PCDHGA8: variants seen among roughly 807,000 people sequenced by gnomAD.
PCDHGA8 encodes the protein protocadherin gamma subfamily A, 8, also known as protocadherin gamma-A8.
In PCDHGA8, 45 loss-of-function variants were observed where a neutral mutation model predicts 59.2. The observed-to-expected ratio is 0.76, with a 90% CI of 0.60 to 0.98. PCDHGA8 has a LOEUF of 0.98. PCDHGA8 is among the 50% of genes least tolerant of loss of function. The pLI, the probability that PCDHGA8 is intolerant of heterozygous loss-of-function variation, is 0.00. For missense variants in PCDHGA8, 1,257 were observed against 1,196.2 expected, an observed-to-expected ratio of 1.05 and a Z score of -0.75; for synonymous variants, 531 against 519.0, an observed-to-expected ratio of 1.02 and a Z score of -0.32.
intron 1 of PCDHGA8, among the ~76,000 whole-genome samples, chr5:141,470,151 CT>C (rs746135943): frequency 7.2e-5 from 11 of 152,164 alleles, no homozygotes; most frequent in Non-Finnish European, 1.6e-4. Flanking sequence ...CATAGATCAT[CT>C]TATCAAATCA....
intron 1 of PCDHGA8, chr5:141,413,345 G>A (rs2095628318): frequency 8.7e-6 from 14 of 1,613,996 alleles, no homozygotes; most frequent in Non-Finnish European, 1.0e-5. Flanking sequence ...AAGGACTTGG[G>A]TCTGGCGCCC....
chr5:141,399,570 C>T (rs1297172097), intron 1 of PCDHGA8: 1 of 1,614,044 alleles, frequency 6.2e-7, no homozygotes, highest in Non-Finnish European at 8.5e-7. Context: ...GGTTGAACGG[C>T]CAAGTCTCCT....
rs1354607645 is a variant in PCDHGA8, at chr5:141,433,848, A to C, written c.2424+38611A>C. Among the ~76,000 whole-genome samples, 4 of 152,082 alleles carry C rather than the reference A, an allele frequency of 2.6e-5. No individual in the cohort carries two copies. In the East Asian group the frequency reaches 5.8e-4, roughly 22 times the overall value. ...GTGAAACTCTATCTCAAAAAAAAAA[A>C]AAAAAAACTTTATCCTCTAGTTTCA... On this transcript the variant is annotated intron_variant, in intron 1 of 3. Coordinates refer to ENST00000398604, the MANE Select transcript of PCDHGA8 (RefSeq NM_032088.2).
intron 1 of PCDHGA8, chr5:141,409,130 G>C (rs1265386524): frequency 2.5e-6 from 4 of 1,613,994 alleles, no homozygotes; most frequent in Non-Finnish European, 3.4e-6. Flanking sequence ...ATTTGATTTT[G>C]AAGATGTAGA....
At position 141,492,010 on chromosome 5, in the gene PCDHGA8, G is replaced by A. The variant is rs2099736138; in HGVS notation, c.2425-2797G>A. 2 of 617,370 alleles carry A rather than the reference G, an allele frequency of 3.2e-6. 1 individual carries two copies. Among genetic ancestry groups the A allele is most frequent in the Middle Eastern group, 8.7e-4 (2 of 2,312 alleles). The allele number at this position is 617,370 out of a possible 1,614,324, so 38.2% of individuals were successfully genotyped here. On this transcript the variant is annotated intron_variant, in intron 1 of 3. Transcript: ENST00000398604. Reference sequence around the variant, plus strand: ...GGTGAATTTCGGGCGATTTCCGCGGGTGTCGGGGGTCCCGGGAGGAGGCAG... The same window carrying A: ...GGTGAATTTCGGGCGATTTCCGCGGATGTCGGGGGTCCCGGGAGGAGGCAG...
chr5:141,423,092 A>T (rs2096708373), intron 1 of PCDHGA8: 5 of 1,613,952 alleles, frequency 3.1e-6, no homozygotes, highest in South Asian at 2.2e-5. Flanking sequence ...GCGGTGGGGG[A>T]GCACACGGGC....
At chr5:141,399,134 A>G (rs2093758534) in intron 1 of PCDHGA8, 6 of 1,613,856 alleles carry the variant, frequency 3.7e-6, no homozygotes, top group Non-Finnish European at 5.1e-6. Flanking sequence ...ATTCAAGATG[A>G]AAATGACAAT....
Position 141,464,279 on chromosome 5 carries a change from CA to C in PCDHGA8, c.2425-30517del, listed in dbSNP as rs373828487. Among the ~76,000 whole-genome samples, 143 of 137,732 alleles carry C rather than the reference CA, an allele frequency of 1.0e-3. 2 individuals are homozygous for C. The Middle Eastern group carries it at 0.015, about 15-fold the overall frequency. 90.4% of individuals were successfully genotyped at this position (137,732 alleles called of 152,430 possible). A position where few individuals can be genotyped will look rare whatever the true frequency, so the allele number is the denominator to read the frequency against. The stretch of plus-strand genomic sequence containing the variant: ...GACTCCGTCTAAAAAAAAAAAAAAG[CA>C]AAAAAAAAAACTCCATTGTATGTGC... On this transcript the variant is annotated intron_variant, in intron 1 of 3. Transcript: ENST00000398604.
chr5:141,400,168 C>G, intron 1 of PCDHGA8: 1 of 1,614,088 alleles, frequency 6.2e-7, no homozygotes, highest in South Asian at 1.1e-5. Context: ...CTCTGACCCC[C>G]AGGCTGAGCT....
At chr5:141,409,052 A>C in intron 1 of PCDHGA8, 2 of 1,614,050 alleles carry the variant, frequency 1.2e-6, no homozygotes, top group African/African-American at 1.3e-5. Context: ...CTTCCGAAGC[A>C]CTGCCCAGAG....
In PCDHGA8 at chr5:141,476,073, A is replaced by C. The variant is rs765071344; in HGVS notation, c.2425-18734A>C. On this transcript the variant is annotated intron_variant, in intron 1 of 3. Coordinates refer to ENST00000398604, the MANE Select transcript of PCDHGA8 (RefSeq NM_032088.2). The surrounding 1 kb of genome is among the most constrained non-coding windows in gnomAD (Gnocchi z 7.6). ...GCTGAAAGTTTCTCAGCGAAATCTC[A>C]GGGACGATCTGGACCCCGCTGAGAG... 4 of 1,524,010 alleles carry C rather than the reference A, an allele frequency of 2.6e-6. No individual in the cohort carries two copies. Among genetic ancestry groups the C allele is most frequent in the Admixed American group, 4.2e-5 (2 of 47,746 alleles). The allele number at this position is 1,524,010 out of a possible 1,614,324, so 94.4% of individuals were successfully genotyped here. A position where few individuals can be genotyped will look rare whatever the true frequency, so the allele number is the denominator to read the frequency against.
rs1347087103 is a variant in PCDHGA8 at position 141,409,851 on chromosome 5, T to C, written c.2424+14614T>C. 4 of 1,612,112 alleles carry C rather than the reference T, an allele frequency of 2.5e-6. No homozygotes were observed. In the Admixed American group the frequency reaches 6.7e-5, roughly 27 times the overall value. On this transcript the variant is annotated intron_variant, in intron 1 of 3. Transcript: ENST00000398604. ...CTCAGCGCCAACGTGAGCCTGCGCG[T>C]GTTGGTGGGAGACCGCAATGACAAC...
intron 1 of PCDHGA8, among the ~76,000 whole-genome samples, chr5:141,442,888 GCTTATCA>G (rs776180931): frequency 8.5e-5 from 13 of 152,204 alleles, no homozygotes; most frequent in Non-Finnish European, 1.8e-4. Flanking sequence ...CAGAATCCCT[GCTTATCA>G]CTTCTCCTTC....
At position 141,423,758 on chromosome 5, in the gene PCDHGA8, G is replaced by GC. The variant is rs1554116873; in HGVS notation, c.2424+28521_2424+28522insC. 1.7e-4 allele frequency: 62 copies of GC among 366,836 alleles called. 2 individuals are homozygous for GC. The highest frequency in any genetic ancestry group is 4.2e-4 in the Middle Eastern group (1 of 2,358). The allele number at this position is 366,836 out of a possible 1,614,324, so 22.7% of individuals were successfully genotyped here. Reference sequence around the variant, plus strand: ...CTGTTATGAAAACTGTTTGGGGGGGGGGTGGGGCGGCATATATTTAGTTCA... The same window carrying GC: ...CTGTTATGAAAACTGTTTGGGGGGGGCGGTGGGGCGGCATATATTTAGTTCA... On this transcript the variant is annotated intron_variant, in intron 1 of 3. Coordinates refer to ENST00000398604, the MANE Select transcript of PCDHGA8 (RefSeq NM_032088.2).
rs2099388737 is a variant in PCDHGA8 at position 141,476,307 on chromosome 5, G to T, written c.2425-18500G>T. 1 of 1,613,606 alleles carries T rather than the reference G, an allele frequency of 6.2e-7. No individual in the cohort carries two copies. The highest frequency in any genetic ancestry group is 1.3e-5 in the African/African-American group (1 of 74,728). ...TTGGATCTCGGTAGCCTCTCAGCCC[G>T]CAGGTTCCGGGTGGTGTCTGGAGCT... On this transcript the variant is annotated intron_variant, in intron 1 of 3. Coordinates refer to ENST00000398604, the MANE Select transcript of PCDHGA8 (RefSeq NM_032088.2). The surrounding 1 kb of genome is among the most constrained non-coding windows in gnomAD (Gnocchi z 7.6).
At chr5:141,402,096 A>G (rs1343417374) in intron 1 of PCDHGA8, among the ~76,000 whole-genome samples, 2 of 152,226 alleles carry the variant, frequency 1.3e-5, no homozygotes, top group Non-Finnish European at 2.9e-5. Context: ...GAAAAGTTTA[A>G]GCAATTACAA....
intron 1 of PCDHGA8, chr5:141,423,195 G>A: frequency 1.2e-6 from 2 of 1,613,544 alleles, no homozygotes; most frequent in Non-Finnish European, 8.5e-7. Flanking sequence ...CCCCTCTCTC[G>A]GCCACCGTCA....
chr5:141,469,855 G>T (rs1272105046), intron 1 of PCDHGA8, among the ~76,000 whole-genome samples: 4 of 152,186 alleles, frequency 2.6e-5, no homozygotes, highest in Non-Finnish European at 4.4e-5. Flanking sequence ...TTCAGACCGG[G>T]TGCAATGGCT....
In PCDHGA8 at chr5:141,432,143, C is replaced by G; in HGVS notation, c.2424+36906C>G. 2 of 1,614,084 alleles carry G rather than the reference C, an allele frequency of 1.2e-6. No homozygotes were observed. Among genetic ancestry groups the G allele is most frequent in the Non-Finnish European group, 1.7e-6 (2 of 1,180,006 alleles). Reference sequence around the variant, plus strand: ...TCAGGCCTCCTATTCCGCTTATATCCCAGAGAACAATCCCAGAGGAGTTTC... The same window carrying G: ...TCAGGCCTCCTATTCCGCTTATATCGCAGAGAACAATCCCAGAGGAGTTTC... On this transcript the variant is annotated intron_variant, in intron 1 of 3. Coordinates refer to ENST00000398604, the MANE Select transcript of PCDHGA8 (RefSeq NM_032088.2). This position sits in a 1 kb window ranked among gnomAD's most constrained non-coding sequence, Gnocchi z 6.0.
Sources: allele counts gnomAD v4.1 joint callset (sites outside exome capture counted in the v4.1 genomes callset), GRCh38; gene constraint gnomAD v4.1.1; non-coding constraint Gnocchi (gnomAD v3.1); transcripts MANE v1.5; gene names NCBI Gene and HGNC (gene_info 2026-07-23, HGNC 2026-07-21).